Variants in FAM135B observed in about 807,000 individuals in gnomAD.
The protein encoded by FAM135B is family with sequence similarity 135 member B.
A neutral mutation model predicts 127.7 loss-of-function variants in FAM135B; 43 were observed. The ratio of observed to expected loss-of-function variants is 0.34; its 90% CI spans 0.26 to 0.43. The LOEUF is 0.43. Among genes scored for constraint, FAM135B ranks in the 20% least tolerant of loss-of-function variants. The probability of loss-of-function intolerance (pLI) is 1.00; values close to 1 mark genes in which losing one functional copy is unlikely to be tolerated. For missense variants in FAM135B, 1,558 were observed against 1,725.6 expected (o/e 0.90, Z 1.72); for synonymous variants, 670 against 665.1 (o/e 1.01, Z -0.11).
chr8:138,447,447 C>A (rs1335401591), intron 1 of FAM135B, among the ~76,000 whole-genome samples: 1 of 152,138 alleles, frequency 6.6e-6, no homozygotes, highest in African/African-American at 2.4e-5. Context: ...AAATGTGGCA[C>A]ATATACACCA....
At position 138,252,957 on chromosome 8, in the gene FAM135B, G is replaced by A. The variant is rs1352137085; in HGVS notation, c.369-1943C>T. Among the ~76,000 whole-genome samples the A allele has an allele frequency of 4.6e-5, 7 of 152,026 alleles. No individual in the cohort carries two copies. In the South Asian group the frequency reaches 6.2e-4, roughly 14 times the overall value. Reference sequence around the variant, plus strand: ...TGGGATTACAAGTGTGCACCACCACGCCCAGCTAATTTTTGTATTTTTCAG... The same window carrying A: ...TGGGATTACAAGTGTGCACCACCACACCCAGCTAATTTTTGTATTTTTCAG... On this transcript the variant is annotated intron_variant, in intron 5 of 19. Coordinates refer to ENST00000395297, the MANE Select transcript of FAM135B (RefSeq NM_015912.4).
rs145453026 is a variant in FAM135B at position 138,309,858 on chromosome 8, C to CTTTTTTTTTTTTTTTTTTTT, written c.157+963_157+982dup. Among the ~76,000 whole-genome samples the CTTTTTTTTTTTTTTTTTTTT allele has an allele frequency of 2.3e-5, 2 of 86,788 alleles. 1 individual carries two copies. The highest frequency in any genetic ancestry group is 6.8e-4 in the East Asian group (2 of 2,948). 56.9% of individuals were successfully genotyped at this position (86,788 alleles called of 152,430 possible). Reference sequence around the variant, plus strand: ...CTACCCTACTCTTTAAGTCTTTCTACTTTTTTTTTTTTTTTTTTTTTTTTG... The same window carrying CTTTTTTTTTTTTTTTTTTTT: ...CTACCCTACTCTTTAAGTCTTTCTACTTTTTTTTTTTTTTTTTTTTTTTTTTTTTTTTTTTTTTTTTTTTG... On this transcript the variant is annotated intron_variant, in intron 3 of 19. Transcript: ENST00000395297.
intron 2 of FAM135B, chr8:138,367,413 CA>C (rs1445023280): frequency 2.2e-6 from 1 of 456,306 alleles, no homozygotes; most frequent in Non-Finnish European, 4.4e-6. Flanking sequence ...ACTGCATCCT[CA>C]AAAAGATGAA....
At chr8:138,173,845 C>G (rs984645765) in intron 11 of FAM135B, among the ~76,000 whole-genome samples, 4 of 152,242 alleles carry the variant, frequency 2.6e-5, no homozygotes, top group Admixed American at 6.5e-5. Flanking sequence ...CATTCCTCAG[C>G]AAACTTTCAC....
chr8:138,446,582 A>C (rs548187943), intron 1 of FAM135B, among the ~76,000 whole-genome samples: 1 of 152,128 alleles, frequency 6.6e-6, no homozygotes, highest in African/African-American at 2.4e-5. Context: ...TAAATCGTTC[A>C]GGGAAAACTG....
intron 1 of FAM135B, among the ~76,000 whole-genome samples, chr8:138,448,669 T>G (rs1027734513): frequency 1.3e-5 from 2 of 151,970 alleles, no homozygotes; most frequent in African/African-American, 4.8e-5. Flanking sequence ...CATAATCACA[T>G]GAGCCAATCC....
intron 1 of FAM135B, among the ~76,000 whole-genome samples, chr8:138,491,986 G>A (rs1038298018): frequency 6.6e-6 from 1 of 152,212 alleles, no homozygotes; most frequent in Non-Finnish European, 1.5e-5. Flanking sequence ...GGGGCTGAAT[G>A]TCGTGTAGGT....
chr8:138,351,516 A>G (rs1490122180), intron 2 of FAM135B, among the ~76,000 whole-genome samples: 1 of 152,100 alleles, frequency 6.6e-6, no homozygotes, highest in Non-Finnish European at 1.5e-5. Context: ...GGATCCTCGC[A>G]GTCCTGAGAA....
chr8:138,367,913 T>G lies in FAM135B; in HGVS notation c.71A>C (p.Gln24Pro), dbSNP rs780359497. The G allele has an allele frequency of 6.2e-7, 1 of 1,609,090 alleles. No individual in the cohort carries two copies. Among genetic ancestry groups the G allele is most frequent in the Admixed American group, 1.7e-5 (1 of 59,980 alleles). ...AATTGTAAAGCATACTTACCCTCTC[T>G]GAAAGAGATCCACATTATAAAATTT... The part of the protein sequence containing the change: ...LHKFYNVDLF[Q>P]RGYYQIRVTL... The change falls in exon 2 of 20, where the codon CAG becomes CCG. Residue 24 changes from glutamine to proline, a missense_variant. Gln to Pro is a moderately conservative substitution (Grantham distance 76). Around this residue, in one of 5 missense-constraint regions of FAM135B, gnomAD observed 199 missense variants for 245.7 expected, o/e 0.81. Transcript: ENST00000395297.
chr8:138,180,920 T>TC (rs1167619846), intron 9 of FAM135B, among the ~76,000 whole-genome samples: 1 of 152,134 alleles, frequency 6.6e-6, no homozygotes, highest in Non-Finnish European at 1.5e-5. Context: ...CTTGGCCCAT[T>TC]CCCATACATC....
chr8:138,423,886 G>A (rs1286684251), intron 1 of FAM135B, among the ~76,000 whole-genome samples: 1 of 152,108 alleles, frequency 6.6e-6, no homozygotes, highest in Admixed American at 6.6e-5. Flanking sequence ...TACCCTCAGG[G>A]GTGCATTCTC....
At chr8:138,359,945 A>G (rs1165801418) in intron 2 of FAM135B, among the ~76,000 whole-genome samples, 1 of 152,176 alleles carries the variant, frequency 6.6e-6, no homozygotes, top group Non-Finnish European at 1.5e-5. Flanking sequence ...CATTTCTATG[A>G]GCCTTCACAC....
chr8:138,422,300 A>C (rs1296846890), intron 1 of FAM135B, among the ~76,000 whole-genome samples: 1 of 152,218 alleles, frequency 6.6e-6, no homozygotes, highest in Non-Finnish European at 1.5e-5. Flanking sequence ...AAGCTACTGC[A>C]CAGCAAAGGA....
intron 1 of FAM135B, among the ~76,000 whole-genome samples, chr8:138,454,316 A>T (rs1836656865): frequency 6.6e-6 from 1 of 152,202 alleles, no homozygotes; most frequent in Admixed American, 6.5e-5. Context: ...GCCATGTTTC[A>T]GTGACCCATT....
intron 1 of FAM135B, among the ~76,000 whole-genome samples, chr8:138,408,794 C>A (rs905098035): frequency 1.3e-5 from 2 of 152,054 alleles, no homozygotes; most frequent in Non-Finnish European, 2.9e-5. Context: ...GGGGAAATCA[C>A]CCCCATGATC....
At chr8:138,360,079 G>A (rs1830325809) in intron 2 of FAM135B, among the ~76,000 whole-genome samples, 1 of 152,086 alleles carries the variant, frequency 6.6e-6, no homozygotes, top group Non-Finnish European at 1.5e-5. Flanking sequence ...TAAATGATAT[G>A]TAAAGAAGGA....
Position 138,141,212 on chromosome 8 carries a change from G to T in FAM135B, c.3776C>A (p.Thr1259Asn). The T allele has an allele frequency of 1.2e-6, 2 of 1,614,138 alleles. No homozygotes were observed. Among genetic ancestry groups the T allele is most frequent in the Admixed American group, 3.3e-5 (2 of 60,018 alleles). The change falls in exon 17 of 20, where the codon ACC becomes AAC. Residue 1259 changes from threonine (T) to asparagine (N), a missense_variant. Thr to Asn is a moderately conservative substitution (Grantham distance 65, BLOSUM62 0). This residue lies in a region of FAM135B where 194 missense variants were observed against 333.8 expected (regional missense o/e 0.58). Transcript: ENST00000395297. The surrounding 1 kb of genome is among the most constrained non-coding windows in gnomAD (Gnocchi z 4.7). ...PHLGTLYNNS[T>N]LVSTGLWLMQ... ...AAGAATCTTACCTGTACTAACCAGG[G>T]TGCTGTTGTTGTACAGGGTTCCCAG...
At chr8:138,142,836 G>A (rs1253205133) in intron 16 of FAM135B, 176 bp downstream of exon 16, 2 of 523,580 alleles carry the variant, frequency 3.8e-6, no homozygotes, top group Non-Finnish European at 6.8e-6. Flanking sequence ...TGGCAGAGAT[G>A]AATGTGTACG....
rs745456353 is a variant in FAM135B at position 138,132,724 on chromosome 8, G to A, written c.4090C>T (p.His1364Tyr). The change falls in exon 20 of 20, where the codon CAC becomes TAC. Residue 1364 changes from histidine to tyrosine, a missense_variant. Physicochemically the swap from His to Tyr is moderately conservative, Grantham distance 83. Transcript: ENST00000395297. This position sits in a 1 kb window ranked among gnomAD's most constrained non-coding sequence, Gnocchi z 4.5. Reference protein sequence around the residue: ...VEAKDCTLIRHNVFHALPNTA... With the variant: ...VEAKDCTLIRYNVFHALPNTA... ...TTGGGCAGGGCGTGGAACACGTTGTGTCGGATTAAAGTGCAGTCCTTGGCT... is the reference window on the plus strand; with the variant it reads ...TTGGGCAGGGCGTGGAACACGTTGTATCGGATTAAAGTGCAGTCCTTGGCT... 3.7e-6 allele frequency: 6 copies of A among 1,614,234 alleles called. No individual in the cohort carries two copies. In the East Asian group the frequency reaches 8.9e-5, roughly 24 times the overall value.
Sources: allele counts gnomAD v4.1 joint callset (sites outside exome capture counted in the v4.1 genomes callset), GRCh38; gene constraint gnomAD v4.1.1; regional missense constraint gnomAD v4.1.1; non-coding constraint Gnocchi (gnomAD v3.1); transcripts MANE v1.5; gene names NCBI Gene and HGNC (gene_info 2026-07-23, HGNC 2026-07-21).